IL16: variants seen among roughly 807,000 people sequenced by gnomAD.
IL16 encodes interleukin 16, also known as pro-interleukin-16.
A neutral mutation model predicts 110.1 loss-of-function variants in IL16; 67 were observed. The ratio of observed to expected loss-of-function variants is 0.61; its 90% confidence interval spans 0.50 to 0.75. The LOEUF is 0.75. Ranked by LOEUF, IL16 falls within the 30% of genes least tolerant of loss-of-function variation. The pLI is 0.00. For missense variants in IL16, 1,545 were observed against 1,655.0 expected, an observed-to-expected ratio of 0.93 and a Z score of 1.15; for synonymous variants, 689 against 662.9, an observed-to-expected ratio of 1.04 and a Z score of -0.61.
At chr15:81,242,689 T>C (rs1897377080) in intron 2 of IL16, among the ~76,000 whole-genome samples, 1 of 152,170 alleles carries the variant, frequency 6.6e-6, no homozygotes, top group Non-Finnish European at 1.5e-5. Context: ...TCCTTTCTGA[T>C]CTTTATGCTT....
At chr15:81,284,820 T>G (rs1052126759) in intron 9 of IL16, among the ~76,000 whole-genome samples, 1 of 152,232 alleles carries the variant, frequency 6.6e-6, no homozygotes, top group African/African-American at 2.4e-5. Context: ...CATTTGTTTA[T>G]GCCTCGTCTA....
chr15:81,270,283 C>T (rs552414347), intron 5 of IL16, among the ~76,000 whole-genome samples: 1 of 152,334 alleles, frequency 6.6e-6, no homozygotes. Flanking sequence ...GCTCCCAGAA[C>T]ATGCCACCTT....
chr15:81,282,317 C>A (rs985025581), intron 8 of IL16, among the ~76,000 whole-genome samples: 3 of 152,230 alleles, frequency 2.0e-5, no homozygotes, highest in African/African-American at 7.2e-5. Context: ...CCCTCACTTT[C>A]CAGCACATTC....
chr15:81,218,752 G>A (rs1205378428), intron 1 of IL16, among the ~76,000 whole-genome samples: 4 of 152,060 alleles, frequency 2.6e-5, no homozygotes, highest in South Asian at 2.1e-4. Context: ...GCTATTTTAT[G>A]CTTTTTCAGC....
chr15:81,266,548 T>C (rs972726232), intron 4 of IL16, among the ~76,000 whole-genome samples: 1 of 152,184 alleles, frequency 6.6e-6, no homozygotes, highest in Non-Finnish European at 1.5e-5. Flanking sequence ...CCAGCTTGCC[T>C]TTCAGCCCCA....
intron 8 of IL16, among the ~76,000 whole-genome samples, chr15:81,280,035 CAGAG>C (rs143652892): frequency 4.6e-5 from 7 of 151,202 alleles, no homozygotes; most frequent in African/African-American, 1.7e-4. Flanking sequence ...CAAAAATACC[CAGAG>C]AGAGAGAGAG....
chr15:81,228,502 TTAG>T (rs1352478400), intron 2 of IL16, among the ~76,000 whole-genome samples: 2 of 151,952 alleles, frequency 1.3e-5, no homozygotes, highest in African/African-American at 4.8e-5. Flanking sequence ...AAAAATATTT[TTAG>T]TAGAAATGGG....
At position 81,225,466 on chromosome 15, in the gene IL16, C is replaced by T; in HGVS notation, c.67C>T (p.Leu23=). The T allele has an allele frequency of 6.2e-7, 1 of 1,614,180 alleles. No individual in the cohort carries two copies. Among genetic ancestry groups the T allele is most frequent in the Non-Finnish European group, 8.5e-7 (1 of 1,180,012 alleles). Residue 23 remains leucine, a synonymous_variant, in exon 2 of 19, where the codon CTG becomes TTG. Coordinates refer to ENST00000683961, the MANE Select transcript of IL16 (RefSeq NM_172217.5). ...AAAATTTCGGTCCATCTCCAGGTCCCTGATGCTCTGTAATGCTAAGACCAG... is the reference window on the plus strand; with the variant it reads ...AAAATTTCGGTCCATCTCCAGGTCCTTGATGCTCTGTAATGCTAAGACCAG... ...SAKFRSISRS[L]MLCNAKTSDD... is the part of the protein sequence containing the mutation.
At chr15:81,269,337 A>G (rs572958500) in intron 4 of IL16, among the ~76,000 whole-genome samples, 7 of 152,318 alleles carry the variant, frequency 4.6e-5, no homozygotes, top group African/African-American at 1.7e-4. Context: ...TCAGCAAAGC[A>G]GGCTCCTAGA....
intron 1 of IL16, among the ~76,000 whole-genome samples, chr15:81,207,598 T>C (rs1461925171): frequency 6.8e-6 from 1 of 146,438 alleles, no homozygotes; most frequent in Admixed American, 6.8e-5. Flanking sequence ...TAGCTCCTAC[T>C]TACAAGTGAG....
chr15:81,187,597 C>T (rs1158675725), intron 1 of IL16, among the ~76,000 whole-genome samples: 1 of 152,116 alleles, frequency 6.6e-6, no homozygotes, highest in Non-Finnish European at 1.5e-5. Flanking sequence ...TGTTCACCCC[C>T]ACCCAAAAAA....
At chr15:81,227,176 G>A (rs1355553978) in intron 2 of IL16, among the ~76,000 whole-genome samples, 2 of 152,104 alleles carry the variant, frequency 1.3e-5, no homozygotes, top group Admixed American at 6.6e-5. Flanking sequence ...AAATACTTAA[G>A]CCAGGCACGG....
intron 6 of IL16, among the ~76,000 whole-genome samples, chr15:81,275,132 G>GT (rs776932725): frequency 1.3e-4 from 19 of 151,628 alleles, no homozygotes; most frequent in East Asian, 1.9e-4. Flanking sequence ...CTTATATAGA[G>GT]TAAGAGGCAC....
chr15:81,212,627 G>A (rs986010285), intron 1 of IL16, among the ~76,000 whole-genome samples: 1 of 151,572 alleles, frequency 6.6e-6, no homozygotes, highest in East Asian at 1.9e-4. Context: ...TCCCTCCACC[G>A]CACCCAGCTA....
chr15:81,188,692 A>G (rs1009011956), intron 1 of IL16, among the ~76,000 whole-genome samples: 1 of 151,918 alleles, frequency 6.6e-6, no homozygotes, highest in African/African-American at 2.4e-5. Context: ...CTCTGTGTCT[A>G]TGCATCTGAT....
At chr15:81,297,139 G>C in intron 13 of IL16, 61 bp downstream of exon 13, 1 of 1,531,660 alleles carries the variant, frequency 6.5e-7, no homozygotes. Flanking sequence ...GCAGGGATAA[G>C]ATAAGAGCAC....
At chr15:81,278,949 G>A in intron 7 of IL16, 59 bp downstream of exon 7, 1 of 1,124,794 alleles carries the variant, frequency 8.9e-7, no homozygotes, top group Non-Finnish European at 1.4e-6. Flanking sequence ...AAGAAACCAA[G>A]CTCTCAGCAT....
intron 12 of IL16, among the ~76,000 whole-genome samples, chr15:81,293,514 A>G (rs1899841526): frequency 6.6e-6 from 1 of 152,134 alleles, no homozygotes; most frequent in Non-Finnish European, 1.5e-5. Flanking sequence ...CAGCCTGGCC[A>G]AGATGGTGAA....
chr15:81,282,618 C>T (rs1456890726), intron 8 of IL16, 21 bp from the exon 9 acceptor site: 1 of 1,592,422 alleles, frequency 6.3e-7, no homozygotes, highest in Non-Finnish European at 8.6e-7. Flanking sequence ...GTCTCCCCAC[C>T]CCGCCCTGTT....
Sources: gnomAD v4.1 joint callset for allele counts (sites outside exome capture counted in the v4.1 genomes callset) on GRCh38, gnomAD v4.1.1 for gene constraint, MANE v1.5 for transcripts, NCBI Gene and HGNC (gene_info 2026-07-23, HGNC 2026-07-21) for gene names.